Variants in CCDC33 observed in about 807,000 individuals in gnomAD.
The protein encoded by CCDC33 is coiled-coil domain-containing protein 33.
In CCDC33, 94 loss-of-function variants were observed where a neutral mutation model predicts 91.9. That is an observed-to-expected ratio of 1.02 (90% confidence interval 0.87 to 1.21). CCDC33 has a LOEUF of 1.21. Among genes scored for constraint, CCDC33 ranks in the 50% most tolerant of loss-of-function variants. The probability of loss-of-function intolerance (pLI) is 0.00; values close to 1 mark genes in which losing one functional copy is unlikely to be tolerated. For synonymous variants in CCDC33, 396 were observed against 374.5 expected (o/e 1.06, Z -0.66); for missense variants, 940 against 935.5 (o/e 1.00, Z -0.06).
intron 11 of CCDC33, among the ~76,000 whole-genome samples, chr15:74,306,876 G>A (rs543791288): frequency 6.6e-6 from 1 of 152,316 alleles, no homozygotes; most frequent in African/African-American, 2.4e-5. Flanking sequence ...AGCATCAGGA[G>A]ACATGGAGTC....
At chr15:74,333,104 C>A in intron 16 of CCDC33, 1 of 889,528 alleles carries the variant, frequency 1.1e-6, no homozygotes, top group Non-Finnish European at 1.8e-6. Context: ...TCCCTGAACC[C>A]TGACCCCTTT....
At chr15:74,278,512 C>G (rs1285107002) in intron 7 of CCDC33, among the ~76,000 whole-genome samples, 2 of 152,224 alleles carry the variant, frequency 1.3e-5, no homozygotes, top group East Asian at 3.9e-4. Flanking sequence ...GCAGGGCTGC[C>G]TGCTGGGAGT....
intron 5 of CCDC33, among the ~76,000 whole-genome samples, chr15:74,269,287 T>G (rs1364829300): frequency 6.6e-6 from 1 of 151,706 alleles, no homozygotes; most frequent in Non-Finnish European, 1.5e-5. Context: ...CAAACATGGC[T>G]GATCTGTTCC....
chr15:74,209,431 G>C (rs539628058), exon 2 of CCDC33: 5 of 1,535,586 alleles, frequency 3.3e-6, no homozygotes, highest in South Asian at 2.4e-5. Context: ...CCACCAGCTC[G>C]GCTCTTAATA....
At chr15:74,288,494 T>G (rs559104608) in intron 10 of CCDC33, among the ~76,000 whole-genome samples, 1 of 152,368 alleles carries the variant, frequency 6.6e-6, no homozygotes, top group South Asian at 2.1e-4. Flanking sequence ...TTGGTGCAGC[T>G]GAAGCCTAGC....
chr15:74,300,441 T>C (rs1428294267), intron 11 of CCDC33: 1 of 152,196 alleles, frequency 6.6e-6, no homozygotes, highest in Non-Finnish European at 1.5e-5. Context: ...CAGGGAGCGG[T>C]GGCCGGCAGC....
intron 11 of CCDC33, chr15:74,299,414 C>T (rs1190009147): frequency 6.6e-6 from 1 of 152,342 alleles, no homozygotes; most frequent in African/African-American, 2.4e-5. Context: ...CCTGCCCAGG[C>T]CTGGTCCAAG....
chr15:74,256,113 G>A (rs1429078781), intron 2 of CCDC33, among the ~76,000 whole-genome samples: 1 of 152,150 alleles, frequency 6.6e-6, no homozygotes, highest in East Asian at 1.9e-4. Flanking sequence ...TGAGGGTGGG[G>A]AGGCGCCAGG....
At chr15:74,266,587 A>T in intron 3 of CCDC33, 91 bp from the exon 4 acceptor site, 2 of 919,266 alleles carry the variant, frequency 2.2e-6, no homozygotes, top group Non-Finnish European at 3.5e-6. Flanking sequence ...CCTACTCTCA[A>T]CAATGTCTCT....
At chr15:74,283,489 T>A (rs187834372) in intron 10 of CCDC33, among the ~76,000 whole-genome samples, 1 of 152,330 alleles carries the variant, frequency 6.6e-6, no homozygotes, top group African/African-American at 2.4e-5. Flanking sequence ...AGGTCTCCAG[T>A]AATGAATTAT....
chr15:74,218,761 T>TAGG lies in CCDC33; in HGVS notation c.575_576insAGG (p.Val192_His193insGly). On this transcript the variant is annotated inframe_insertion, in exon 2 of 3. Coordinates refer to the CCDC33 transcript ENST00000635913. The surrounding 1 kb of genome is among the most constrained non-coding windows in gnomAD (Gnocchi z 4.8). ...CTGGCCTACAGTGTGGCCTTCCACG[T>TAGG]CCACCGGGGCCCTCAGCCTCCAGTC... The TAGG allele has an allele frequency of 7.8e-7, 1 of 1,289,478 alleles. No individual in the cohort carries two copies. Among genetic ancestry groups the TAGG allele is most frequent in the Non-Finnish European group, 1.0e-6 (1 of 988,688 alleles). The allele number at this position is 1,289,478 out of a possible 1,614,324, so 79.9% of individuals were successfully genotyped here.
rs188476608 is a variant in CCDC33 at position 74,267,750 on chromosome 15, C to T, written c.430-592C>T. On this transcript the variant is annotated intron_variant, in intron 4 of 18. Transcript: ENST00000398814. Reference sequence around the variant, plus strand: ...CTTGGTCCCCAGGCCTCCATCCTCACTGGCAAAGCTGGCACAGTCGTTTTG... The same window carrying T: ...CTTGGTCCCCAGGCCTCCATCCTCATTGGCAAAGCTGGCACAGTCGTTTTG... 5.9e-3 allele frequency among the ~76,000 whole-genome samples: 895 copies of T among 150,984 alleles called. 15 individuals carry two copies. Among genetic ancestry groups the T allele is most frequent in the African/African-American group, 0.021 (867 of 40,418 alleles).
intron 2 of CCDC33, among the ~76,000 whole-genome samples, chr15:74,249,695 C>T (rs2075646517): frequency 6.6e-6 from 1 of 152,122 alleles, no homozygotes; most frequent in African/African-American, 2.4e-5. Flanking sequence ...GACCCGTGCA[C>T]TAGGGGTAAA....
At chr15:74,330,142 G>C (rs753235559) in intron 11 of CCDC33, 47 bp from the exon 12 acceptor site, 11 of 1,524,462 alleles carry the variant, frequency 7.2e-6, no homozygotes, top group Non-Finnish European at 9.7e-6. Context: ...GTGGGACCAG[G>C]GTTGCTATGG....
At position 74,218,589 on chromosome 15, in the gene CCDC33, G is replaced by A; in HGVS notation, c.403G>A (p.Gly135Ser). Reference sequence around the variant, plus strand: ...CTTGGGACGGGCAGCCCAGCGGGTGGGTGAGGCCATCTTCCCCATCTACCC... The same window carrying A: ...CTTGGGACGGGCAGCCCAGCGGGTGAGTGAGGCCATCTTCCCCATCTACCC... Residue 135 changes from glycine to serine, a missense_variant, in exon 2 of 3, where the codon GGT becomes AGT. By Grantham distance (56) the Gly-to-Ser change is moderately conservative. Transcript: ENST00000635913. The surrounding 1 kb of genome is among the most constrained non-coding windows in gnomAD (Gnocchi z 4.8). The A allele has an allele frequency of 7.8e-7, 1 of 1,289,826 alleles. No homozygotes were observed. The highest frequency in any genetic ancestry group is 1.0e-6 in the Non-Finnish European group (1 of 988,870). The allele number at this position is 1,289,826 out of a possible 1,614,324, so 79.9% of individuals were successfully genotyped here.
At chr15:74,225,564 C>T (rs913750198) in intron 2 of CCDC33, among the ~76,000 whole-genome samples, 2 of 151,998 alleles carry the variant, frequency 1.3e-5, no homozygotes, top group African/African-American at 2.4e-5. Context: ...TAGATTCACC[C>T]CGAGACACCA....
chr15:74,209,036 T>C (rs2074326176), intron 1 of CCDC33: 4 of 1,152,600 alleles, frequency 3.5e-6, no homozygotes, highest in Admixed American at 4.7e-5. Flanking sequence ...GATCTGCTCC[T>C]CCCGGAAGGC....
chr15:74,295,188 A>G (rs919458159), intron 10 of CCDC33, among the ~76,000 whole-genome samples: 1 of 152,228 alleles, frequency 6.6e-6, no homozygotes, highest in Non-Finnish European at 1.5e-5. Context: ...TTCCACCAAA[A>G]ATGTATTGAG....
At chr15:74,221,723 G>A (rs930638008) in intron 2 of CCDC33, among the ~76,000 whole-genome samples, 1 of 152,154 alleles carries the variant, frequency 6.6e-6, no homozygotes, top group African/African-American at 2.4e-5. Context: ...GAGCATGCAG[G>A]CAGGGGCTGC....
Sources: allele counts gnomAD v4.1 joint callset (sites outside exome capture counted in the v4.1 genomes callset), GRCh38; gene constraint gnomAD v4.1.1; non-coding constraint Gnocchi (gnomAD v3.1); transcripts MANE v1.5; gene names NCBI Gene and HGNC (gene_info 2026-07-23, HGNC 2026-07-21).